The following PPARGC1A variants were observed in gnomAD, a reference collection of about 807,000 sequenced individuals.
The protein encoded by PPARGC1A is peroxisome proliferator-activated receptor gamma coactivator 1-alpha.
A neutral mutation model predicts 88.7 loss-of-function variants in PPARGC1A; 25 were observed. The ratio of observed to expected loss-of-function variants is 0.28; its 90% CI spans 0.21 to 0.39. The LOEUF is 0.39. Among genes scored for constraint, PPARGC1A ranks in the 10% least tolerant of loss-of-function variants. The pLI is 1.00. For synonymous variants in PPARGC1A, 363 were observed against 355.6 expected, an observed-to-expected ratio of 1.02 and a Z score of -0.24; for missense variants, 880 against 968.7, an observed-to-expected ratio of 0.91 and a Z score of 1.22.
At chr4:23,874,490 C>T (rs948721746) in intron 2 of PPARGC1A, among the ~76,000 whole-genome samples, 1 of 151,862 alleles carries the variant, frequency 6.6e-6, no homozygotes, top group African/African-American at 2.4e-5. Flanking sequence ...TAAACATGGG[C>T]CAAGACATTT....
chr4:24,365,637 T>C, the PPARGC1A span, among the ~76,000 whole-genome samples: 212 of 152,340 alleles, frequency 1.4e-3, no homozygotes, highest in African/African-American at 4.9e-3. Context: ...TGTATTGTTA[T>C]TAGATTATTA....
the PPARGC1A span, among the ~76,000 whole-genome samples, chr4:24,263,168 T>C: frequency 6.6e-6 from 1 of 152,292 alleles, no homozygotes; most frequent in Non-Finnish European, 1.5e-5. Flanking sequence ...TTCACAGTAG[T>C]AAACAAGTGA....
At chr4:23,991,614 A>T in the PPARGC1A span, among the ~76,000 whole-genome samples, 1 of 152,084 alleles carries the variant, frequency 6.6e-6, no homozygotes, top group Non-Finnish European at 1.5e-5. Context: ...GACCTGCATC[A>T]TCTCAGCTTA....
the PPARGC1A span, among the ~76,000 whole-genome samples, chr4:23,924,988 A>G: frequency 6.6e-6 from 1 of 152,226 alleles, no homozygotes; most frequent in African/African-American, 2.4e-5. Flanking sequence ...ATCTTTTGAA[A>G]AGTATGAACT....
the PPARGC1A span, among the ~76,000 whole-genome samples, chr4:24,245,932 C>CAT: frequency 1.9e-5 from 2 of 103,170 alleles, no homozygotes; most frequent in East Asian, 2.6e-4. Context: ...TGTGCACACA[C>CAT]ACACACACAC....
the PPARGC1A span, among the ~76,000 whole-genome samples, chr4:24,102,061 C>A: frequency 3.3e-5 from 5 of 152,164 alleles, no homozygotes; most frequent in Admixed American, 2.0e-4. Context: ...CCCCAGGGAT[C>A]CATCCAATCC....
At chr4:24,117,642 C>T in the PPARGC1A span, among the ~76,000 whole-genome samples, 1 of 151,434 alleles carries the variant, frequency 6.6e-6, no homozygotes, top group African/African-American at 2.4e-5. Context: ...AGCTCAGTGA[C>T]TCCCCTGGAA....
the PPARGC1A span, among the ~76,000 whole-genome samples, chr4:24,341,957 C>T: frequency 4.6e-5 from 7 of 152,180 alleles, no homozygotes; most frequent in Non-Finnish European, 1.0e-4. Flanking sequence ...CTCATGCAGC[C>T]AGGAGCCAGA....
the PPARGC1A span, among the ~76,000 whole-genome samples, chr4:23,936,202 ACTATT>A: frequency 6.6e-6 from 1 of 152,236 alleles, no homozygotes; most frequent in African/African-American, 2.4e-5. Flanking sequence ...CCTACTATGT[ACTATT>A]CTAAGTCATT....
At chr4:24,328,664 C>T in the PPARGC1A span, among the ~76,000 whole-genome samples, 1 of 152,136 alleles carries the variant, frequency 6.6e-6, no homozygotes, top group Non-Finnish European at 1.5e-5. Context: ...CAGTGAAGGC[C>T]GTGTGTATTT....
intron 1 of PPARGC1A, chr4:23,888,871 G>T (rs1194927244): frequency 5.4e-6 from 5 of 922,296 alleles, no homozygotes; most frequent in Non-Finnish European, 6.5e-6. Flanking sequence ...GGAAACACTC[G>T]CAGTCTTTTG....
chr4:24,109,024 C>A, the PPARGC1A span, among the ~76,000 whole-genome samples: 4 of 146,578 alleles, frequency 2.7e-5, no homozygotes, highest in South Asian at 4.4e-4. Context: ...ACACACCACA[C>A]ACACACACAC....
chr4:24,035,335 T>C, the PPARGC1A span, among the ~76,000 whole-genome samples: 1 of 151,348 alleles, frequency 6.6e-6, no homozygotes, highest in East Asian at 2.0e-4. Context: ...AGGTCAGGAG[T>C]TCGAGACCAG....
chr4:23,807,746 T>C (rs1720080650), intron 10 of PPARGC1A, among the ~76,000 whole-genome samples: 1 of 149,124 alleles, frequency 6.7e-6, no homozygotes, highest in East Asian at 1.9e-4. Context: ...TGTGTGTGTG[T>C]GTGTGTGTAT....
chr4:24,206,759 G>C, the PPARGC1A span, among the ~76,000 whole-genome samples: 1 of 140,418 alleles, frequency 7.1e-6, no homozygotes, highest in Admixed American at 7.8e-5. Flanking sequence ...AGAATCTCTT[G>C]AACCTGGGAG....
rs765236428 is a variant in PPARGC1A at position 23,831,704 on chromosome 4, C to T, written c.282G>A (p.Glu94=). The part of the protein sequence containing the change: ...NEANLLAVLT[E]TLDSLPVDED... ...CATCCACAGGGAGACTGTCTAGTGT[C>T]TCTGTGAGGACTGCTAGCAAGTTTG... Residue 94 remains glutamate (E), a synonymous_variant, in exon 3 of 13, where the codon GAG becomes GAA. Coordinates refer to ENST00000264867, the MANE Select transcript of PPARGC1A (RefSeq NM_013261.5). 6.2e-7 allele frequency: 1 copy of T among 1,613,962 alleles called. No individual in the cohort carries two copies. Among genetic ancestry groups the T allele is most frequent in the Non-Finnish European group, 8.5e-7 (1 of 1,179,862 alleles).
chr4:24,011,568 CA>C, the PPARGC1A span, among the ~76,000 whole-genome samples: 1 of 152,198 alleles, frequency 6.6e-6, no homozygotes, highest in Non-Finnish European at 1.5e-5. Context: ...AGGCTGCCCA[CA>C]GACTGCTGTC....
chr4:24,387,948 GAAAGAA>G, the PPARGC1A span, among the ~76,000 whole-genome samples: 1 of 145,378 alleles, frequency 6.9e-6, no homozygotes, highest in African/African-American at 2.6e-5. Context: ...AAGAAAGAAA[GAAAGAA>G]AGAAAGGGAG....
At chr4:23,875,068 G>A (rs1714417416) in intron 2 of PPARGC1A, among the ~76,000 whole-genome samples, 1 of 152,208 alleles carries the variant, frequency 6.6e-6, no homozygotes, top group Non-Finnish European at 1.5e-5. Context: ...CAACTTTGCG[G>A]TGTCTTCCCT....
Sources: gnomAD v4.1 joint callset for allele counts (sites outside exome capture counted in the v4.1 genomes callset) on GRCh38, gnomAD v4.1.1 for gene constraint, MANE v1.5 for transcripts, NCBI Gene and HGNC (gene_info 2026-07-23, HGNC 2026-07-21) for gene names.